ESPN: variants seen among roughly 807,000 people sequenced by gnomAD.
The protein encoded by ESPN is espin, also known as autosomal recessive deafness type 36 protein.
A neutral mutation model predicts 77.7 loss-of-function variants in ESPN; 68 were observed. That is an observed-to-expected ratio of 0.87 (90% CI 0.72 to 1.07). ESPN has a LOEUF of 1.07. ESPN is among the 50% of genes least tolerant of loss of function. The probability of loss-of-function intolerance (pLI) is 0.00; values close to 1 mark genes in which losing one functional copy is unlikely to be tolerated. For synonymous variants in ESPN, 449 were observed against 567.1 expected (o/e 0.79, Z 2.96); for missense variants, 1,060 against 1,239.0 (o/e 0.86, Z 2.17).
At chr1:6,459,605 G>A (rs1644119612) in intron 12 of ESPN, among the ~76,000 whole-genome samples, 1 of 152,010 alleles carries the variant, frequency 6.6e-6, no homozygotes, top group Non-Finnish European at 1.5e-5. Context: ...TGGTCTCTCT[G>A]CTCCCCAGCA....
intron 12 of ESPN, among the ~76,000 whole-genome samples, chr1:6,459,012 A>C (rs1569763419): frequency 6.6e-6 from 1 of 150,478 alleles, no homozygotes; most frequent in Admixed American, 6.6e-5. Context: ...AGGCGGAGGC[A>C]GAATGATCAC....
chr1:6,424,782 C>T lies in ESPN; in HGVS notation c.-174C>T, dbSNP rs1198612055. On this transcript the variant is annotated 5_prime_UTR_variant, in exon 1 of 13. Transcript: ENST00000645284. ...GTCCGCGGGCTCCGGCCCCAGAGCG[C>T]GGCGGAGCGGAGCGCCAGGCAGCGC... 4.6e-6 allele frequency: 3 copies of T among 657,666 alleles called. No individual in the cohort carries two copies. The highest frequency in any genetic ancestry group is 6.3e-6 in the Non-Finnish European group (3 of 475,692). 40.7% of individuals were successfully genotyped at this position (657,666 alleles called of 1,614,324 possible).
At chr1:6,433,758 C>A (rs549362422) in intron 2 of ESPN, among the ~76,000 whole-genome samples, 6 of 152,172 alleles carry the variant, frequency 3.9e-5, no homozygotes, top group Non-Finnish European at 7.4e-5. Context: ...GAGGCTGATC[C>A]CTCTGCAGGG....
intron 2 of ESPN, among the ~76,000 whole-genome samples, chr1:6,432,729 G>A (rs895333839): frequency 6.6e-6 from 1 of 152,230 alleles, no homozygotes; most frequent in African/African-American, 2.4e-5. Flanking sequence ...GAGCAGCCAG[G>A]CTCTGTGAGG....
At chr1:6,453,708 G>C (rs1392428301) in intron 10 of ESPN, among the ~76,000 whole-genome samples, 2 of 152,220 alleles carry the variant, frequency 1.3e-5, no homozygotes, top group Non-Finnish European at 2.9e-5. Flanking sequence ...GGAGTGTTAA[G>C]CAGGGAAGAG....
chr1:6,445,962 C>A, intron 7 of ESPN, 27 bp downstream of exon 7: 2 of 1,610,828 alleles, frequency 1.2e-6, no homozygotes, highest in Admixed American at 1.7e-5. Context: ...CCCTGCCTGC[C>A]TCCCAGCAGG....
At chr1:6,441,859 T>C (rs1643647468) in intron 5 of ESPN, among the ~76,000 whole-genome samples, 1 of 149,982 alleles carries the variant, frequency 6.7e-6, no homozygotes, top group African/African-American at 2.4e-5. Context: ...CCATCTGCCC[T>C]CCCCCCCCCA....
intron 12 of ESPN, among the ~76,000 whole-genome samples, chr1:6,459,621 A>G (rs985666980): frequency 1.3e-5 from 2 of 151,414 alleles, no homozygotes; most frequent in Non-Finnish European, 2.9e-5. Flanking sequence ...CAGCAGCCCC[A>G]CCCCAGTCCT....
intron 3 of ESPN, 26 bp from the exon 4 acceptor site, chr1:6,440,600 C>CCCCACAA: frequency 8.3e-7 from 1 of 1,207,214 alleles, no homozygotes; most frequent in Non-Finnish European, 1.1e-6. Flanking sequence ...AGCCCCCGCC[C>CCCCACAA]CCCTCTCCCC....
intron 6 of ESPN, among the ~76,000 whole-genome samples, chr1:6,445,038 C>T (rs563883013): frequency 2.5e-4 from 38 of 152,272 alleles, no homozygotes; most frequent in Middle Eastern, 3.4e-3. Flanking sequence ...AATATCTGCA[C>T]ACACCCACCC....
At chr1:6,455,795 G>A in intron 10 of ESPN, 1 of 398,976 alleles carries the variant, frequency 2.5e-6, no homozygotes, top group Non-Finnish European at 4.4e-6. Context: ...TGCTGGAGGA[G>A]GTGGAGGCCG....
intron 10 of ESPN, among the ~76,000 whole-genome samples, chr1:6,453,017 C>T (rs867916917): frequency 6.6e-6 from 1 of 152,130 alleles, no homozygotes; most frequent in Non-Finnish European, 1.5e-5. Flanking sequence ...CTCAGCCTCC[C>T]GAGTAGCTGG....
rs1643930727 is a variant in ESPN at position 6,450,789 on chromosome 1, G to A, written c.1916-814G>A. On this transcript the variant is annotated intron_variant, in intron 8 of 12. Transcript: ENST00000645284. The surrounding 1 kb of genome is among the most constrained non-coding windows in gnomAD (Gnocchi z 4.3). The stretch of plus-strand genomic sequence containing the variant: ...CTGCATTCTGGGATCCCCAGCCTGG[G>A]AATCCAAGAGCTGTCGGCCCATTTT... Among the ~76,000 whole-genome samples the A allele has an allele frequency of 6.6e-6, 1 of 151,990 alleles. No individual in the cohort carries two copies.
intron 2 of ESPN, among the ~76,000 whole-genome samples, chr1:6,438,270 C>CTGG (rs1230344286): frequency 1.3e-5 from 2 of 152,212 alleles, no homozygotes; most frequent in African/African-American, 4.8e-5. Context: ...ATAGACCCTC[C>CTGG]TGGTGGCTGG....
intron 7 of ESPN, 34 bp downstream of exon 7, chr1:6,445,969 C>T (rs1408421717): frequency 6.2e-7 from 1 of 1,610,238 alleles, no homozygotes; most frequent in East Asian, 2.2e-5. Context: ...TGCCTCCCAG[C>T]AGGGGGACTG....
At chr1:6,431,673 A>G (rs1643260938) in intron 2 of ESPN, among the ~76,000 whole-genome samples, 2 of 151,380 alleles carry the variant, frequency 1.3e-5, no homozygotes, top group South Asian at 4.2e-4. Flanking sequence ...GAAAGAAAGG[A>G]AGAAAGGAAG....
chr1:6,441,989 A>C (rs1161647272), intron 5 of ESPN, among the ~76,000 whole-genome samples: 1 of 152,234 alleles, frequency 6.6e-6, no homozygotes, highest in East Asian at 1.9e-4. Flanking sequence ...GAAGAGAATG[A>C]ATGGCCCAGC....
chr1:6,455,451 A>G, intron 10 of ESPN: 1 of 396,530 alleles, frequency 2.5e-6, no homozygotes, highest in Non-Finnish European at 4.5e-6. Context: ...CGAGGCCCAC[A>G]GCCCCGACGA....
intron 5 of ESPN, chr1:6,442,999 C>CAA (rs1429444570): frequency 6.6e-6 from 1 of 151,438 alleles, no homozygotes; most frequent in African/African-American, 2.4e-5. Context: ...TGATGAAACC[C>CAA]CATCTCTACT....
Sources: allele counts gnomAD v4.1 joint callset (sites outside exome capture counted in the v4.1 genomes callset), GRCh38; gene constraint gnomAD v4.1.1; non-coding constraint Gnocchi (gnomAD v3.1); transcripts MANE v1.5; gene names NCBI Gene and HGNC (gene_info 2026-07-23, HGNC 2026-07-21).